The following S1PR3 variants were observed in gnomAD, a reference collection of about 807,000 sequenced individuals.
S1PR3 encodes sphingosine-1-phosphate receptor 3.
Under a neutral mutation model 13.3 loss-of-function variants are expected in S1PR3, and 12 were observed. That is an observed-to-expected ratio of 0.90 (90% CI 0.58 to 1.46). The LOEUF (loss-of-function observed/expected upper bound fraction) is 1.46. Ranked by LOEUF, S1PR3 falls within the 40% of genes most tolerant of loss-of-function variation. The pLI is 0.00. For missense variants in S1PR3, 450 were observed against 501.9 expected (o/e 0.90, Z 0.99); for synonymous variants, 232 against 214.0 (o/e 1.08, Z -0.73).
rs138065168 is a variant in S1PR3 at position 89,002,162 on chromosome 9, G to A, written c.962G>A (p.Arg321Gln). 2.4e-5 allele frequency: 38 copies of A among 1,613,722 alleles called. No homozygotes were observed. In the East Asian group the frequency reaches 7.6e-4, roughly 32 times the overall value. Residue 321 changes from arginine to glutamine, a missense_variant, in exon 2 of 2, where the codon CGG (arginine) becomes CAG (glutamine). By Grantham distance (43) the Arg-to-Gln change is conservative. Coordinates refer to ENST00000358157, the MANE Select transcript of S1PR3 (RefSeq NM_005226.4). Reference sequence around the variant, plus strand: ...GTCTGCAACTGCCTGGTCAGGGGACGGGGGGCCCGCGCCTCACCCATCCAG... The same window carrying A: ...GTCTGCAACTGCCTGGTCAGGGGACAGGGGGCCCGCGCCTCACCCATCCAG... ...RLVCNCLVRG[R>Q]GARASPIQPA...
Position 88,991,475 on chromosome 9 carries a change from G to T in S1PR3, c.-368G>T. 1.3e-6 allele frequency: 2 copies of T among 1,547,610 alleles called. No homozygotes were observed. Among genetic ancestry groups the T allele is most frequent in the African/African-American group, 1.4e-5 (1 of 72,732 alleles). On this transcript the variant is annotated 5_prime_UTR_variant, in exon 1 of 2. Coordinates refer to ENST00000358157, the MANE Select transcript of S1PR3 (RefSeq NM_005226.4). The surrounding 1 kb of genome is among the most constrained non-coding windows in gnomAD (Gnocchi z 4.0). ...TCTCTGACTCGCTCGGGCAGAGGCC[G>T]AGGAAGCCGGTTCCGGGGACGGGCA...
intron 1 of S1PR3, chr9:88,993,180 G>A (rs530889397): frequency 6.5e-6 from 1 of 152,674 alleles, no homozygotes; most frequent in East Asian, 1.9e-4. Context: ...TTCACATAGT[G>A]GCCGAAGGAT....
At position 89,002,125 on chromosome 9, in the gene S1PR3, T is replaced by C. The variant is rs768007157; in HGVS notation, c.925T>C (p.Phe309Leu). The C allele has an allele frequency of 3.1e-6, 5 of 1,613,800 alleles. No individual in the cohort carries two copies. Among genetic ancestry groups the C allele is most frequent in the Non-Finnish European group, 4.2e-6 (5 of 1,180,014 alleles). Residue 309 changes from phenylalanine to leucine, a missense_variant, in exon 2 of 2, where the codon TTC (phenylalanine) becomes CTC (leucine). Coordinates refer to ENST00000358157, the MANE Select transcript of S1PR3 (RefSeq NM_005226.4). ...TLASKEMRRA[F>L]FRLVCNCLVR... ...GGCCAGCAAGGAGATGCGGCGGGCC[T>C]TCTTCCGTCTGGTCTGCAACTGCCT...
At chr9:89,000,109 G>A (rs1825850059) in intron 1 of S1PR3, 2 of 152,224 alleles carry the variant, frequency 1.3e-5, no homozygotes, top group Non-Finnish European at 2.9e-5. Flanking sequence ...CAACATCACA[G>A]AAGGCTGATC....
At position 88,995,594 on chromosome 9, in the gene S1PR3, CTT is replaced by C. The variant is rs879087647; in HGVS notation, c.-148+3901_-148+3902del. ...AAAAAAATGTGTTGGTATTAAAATG[CTT>C]TGAGGTAGGCTGGATGAACCCAGCT... On this transcript the variant is annotated intron_variant, in intron 1 of 1. Transcript: ENST00000358157. 5 of 167,156 alleles carry C rather than the reference CTT, an allele frequency of 3.0e-5. No individual in the cohort carries two copies. In the South Asian group the frequency reaches 1.0e-3, roughly 35 times the overall value. The allele number at this position is 167,156 out of a possible 1,614,324, so 10.4% of individuals were successfully genotyped here. A position where few individuals can be genotyped will look rare whatever the true frequency, so the allele number is the denominator to read the frequency against.
chr9:89,001,193 G>A lies in S1PR3; in HGVS notation c.-8G>A. 6.2e-7 allele frequency: 1 copy of A among 1,610,222 alleles called. No individual in the cohort carries two copies. ...ATTTTGGAGCTAATCGTCTGTGAAT[G>A]CCAAGTGATGGCAACTGCCCTCCCG... On this transcript the variant is annotated 5_prime_UTR_variant, in exon 2 of 2. The change abolishes an upstream ATG in the 5' untranslated region. Transcript: ENST00000358157.
intron 1 of S1PR3, chr9:89,000,447 C>T (rs1195875974): frequency 6.6e-6 from 1 of 152,546 alleles, no homozygotes; most frequent in Non-Finnish European, 1.5e-5. Flanking sequence ...TGCATGGGCA[C>T]TGCCCAGACA....
rs747319503 is a variant in S1PR3 at position 89,001,849 on chromosome 9, C to T, written c.649C>T (p.Arg217Cys). 16 of 1,614,106 alleles carry T rather than the reference C, an allele frequency of 9.9e-6. No homozygotes were observed. In the East Asian group the frequency reaches 1.1e-4, roughly 11 times the overall value. The part of the protein sequence containing the change: ...ILVTIVILYA[R>C]IYFLVKSSSR... ...GGTGACCATCGTGATCCTCTACGCACGCATCTACTTCCTGGTGAAGTCCAG... is the reference window on the plus strand; with the variant it reads ...GGTGACCATCGTGATCCTCTACGCATGCATCTACTTCCTGGTGAAGTCCAG... Residue 217 changes from arginine (R) to cysteine (C), a missense_variant, in exon 2 of 2, where the codon CGC becomes TGC. By Grantham distance (180) the Arg-to-Cys change is radical (BLOSUM62 -3). Coordinates refer to ENST00000358157, the MANE Select transcript of S1PR3 (RefSeq NM_005226.4).
In S1PR3 at chr9:89,001,117, C is replaced by T. The variant is rs1825860778; in HGVS notation, c.-84C>T. Reference sequence around the variant, plus strand: ...ACGCCTTGCTGAATGAAGCCGGAACCTCAGCCCCGCTTCCCTTTGAAATGA... The same window carrying T: ...ACGCCTTGCTGAATGAAGCCGGAACTTCAGCCCCGCTTCCCTTTGAAATGA... On this transcript the variant is annotated 5_prime_UTR_variant, in exon 2 of 2. Transcript: ENST00000358157. 6.6e-7 allele frequency: 1 copy of T among 1,505,862 alleles called. No homozygotes were observed. Among genetic ancestry groups the T allele is most frequent in the East Asian group, 2.3e-5 (1 of 44,136 alleles). 93.3% of individuals were successfully genotyped at this position (1,505,862 alleles called of 1,614,324 possible).
rs777508757 is a variant in S1PR3, at chr9:88,991,560, G to A, written c.-283G>A. 4.5e-5 allele frequency: 69 copies of A among 1,545,534 alleles called. No individual in the cohort carries two copies. The East Asian group carries it at 1.4e-3, about 31-fold the overall frequency. On this transcript the variant is annotated 5_prime_UTR_variant, in exon 1 of 2. Coordinates refer to ENST00000358157, the MANE Select transcript of S1PR3 (RefSeq NM_005226.4). This position sits in a 1 kb window ranked among gnomAD's most constrained non-coding sequence, Gnocchi z 4.0. ...CGCGACCGAGCAGGACCCCAGGCCC[G>A]GGAACGACGTCGCGAGCGCTGAGAC...
At chr9:88,990,966 C>T (rs745593376), upstream of S1PR3, 2 of 1,610,874 alleles carry the variant, frequency 1.2e-6, no homozygotes, top group South Asian at 2.2e-5. Context: ...CCTGCAAGCC[C>T]AAGCCGGTGC....
chr9:88,991,318 G>A, upstream of S1PR3: 3 of 1,478,328 alleles, frequency 2.0e-6, no homozygotes, highest in East Asian at 5.1e-5. This position sits in a 1 kb window ranked among gnomAD's most constrained non-coding sequence, Gnocchi z 4.0. Context: ...CGGGAGGTGG[G>A]GAGCTGGAGG....
chr9:88,992,193 G>GA, intron 1 of S1PR3: 1 of 662,748 alleles, frequency 1.5e-6, no homozygotes, highest in Non-Finnish European at 2.5e-6. Context: ...GGTTCCCACG[G>GA]AAAATCAGTA....
At chr9:88,999,675 C>A (rs770298163) in intron 1 of S1PR3, 5 of 152,208 alleles carry the variant, frequency 3.3e-5, no homozygotes, top group Non-Finnish European at 7.3e-5. Context: ...AAATTAGCCT[C>A]ATTTGAACTT....
rs776070855 is a variant in S1PR3 at position 88,991,608 on chromosome 9, G to A, written c.-235G>A. The A allele has an allele frequency of 5.2e-6, 8 of 1,542,060 alleles. No individual in the cohort carries two copies. In the East Asian group the frequency reaches 1.8e-4, roughly 34 times the overall value. The stretch of plus-strand genomic sequence containing the variant: ...GACTGCCGGGCCTCCCAGCCCATCT[G>A]GCATTCGAGCGCAGGACCGGGCGCC... On this transcript the variant is annotated 5_prime_UTR_variant, in exon 1 of 2. Coordinates refer to ENST00000358157, the MANE Select transcript of S1PR3 (RefSeq NM_005226.4). This position sits in a 1 kb window ranked among gnomAD's most constrained non-coding sequence, Gnocchi z 4.0.
At chr9:88,991,300 G>T, upstream of S1PR3, 1 of 1,521,560 alleles carries the variant, frequency 6.6e-7, no homozygotes, top group East Asian at 2.5e-5. The surrounding 1 kb of genome is among the most constrained non-coding windows in gnomAD (Gnocchi z 4.0). Context: ...GAGACCAGGC[G>T]GCTTGAGCGG....
Position 88,992,240 on chromosome 9 carries a change from G to A in S1PR3, c.-148+545G>A, listed in dbSNP as rs1030026288. 2.3e-5 allele frequency: 13 copies of A among 561,952 alleles called. No individual in the cohort carries two copies. The Admixed American group carries it at 3.8e-4, about 16-fold the overall frequency. The allele number at this position is 561,952 out of a possible 1,614,324, so 34.8% of individuals were successfully genotyped here. A position where few individuals can be genotyped will look rare whatever the true frequency, so the allele number is the denominator to read the frequency against. On this transcript the variant is annotated intron_variant, in intron 1 of 1. Coordinates refer to ENST00000358157, the MANE Select transcript of S1PR3 (RefSeq NM_005226.4). ...TAACTGAGATAACAGCTAGAGAAGG[G>A]GCTTTGGGCTTTTTGAGTCTCCCAA...
chr9:89,001,226 TCCAGCCGGTGCGGGGGAACGAGA>T lies in S1PR3; in HGVS notation c.29_51del (p.Gln10ProfsTer52). 1 of 1,613,226 alleles carries T rather than the reference TCCAGCCGGTGCGGGGGAACGAGA, an allele frequency of 6.2e-7. No homozygotes were observed. The highest frequency in any genetic ancestry group is 8.5e-7 in the Non-Finnish European group (1 of 1,179,296). On this transcript the variant is annotated frameshift_variant, in exon 2 of 2. Transcript: ENST00000358157. LOFTEE classifies it high-confidence loss of function. ...ATGGCAACTGCCCTCCCGCCGCGTC[TCCAGCCGGTGCGGGGGAACGAGA>T]CCCTGCGGGAGCATTACCAGTACGT...
intron 1 of S1PR3, chr9:88,996,783 G>A (rs1825808299): frequency 6.6e-6 from 1 of 152,320 alleles, no homozygotes; most frequent in Non-Finnish European, 1.5e-5. Flanking sequence ...TGCCGTGCCT[G>A]GCAGTGTTAG....
Sources: allele counts gnomAD v4.1 joint callset, GRCh38; gene constraint gnomAD v4.1.1; non-coding constraint Gnocchi (gnomAD v3.1); transcripts MANE v1.5; gene names NCBI Gene and HGNC (gene_info 2026-07-23, HGNC 2026-07-21).